The following SYTL2 variants were observed in gnomAD, a reference collection of about 807,000 sequenced individuals.
SYTL2 encodes the protein synaptotagmin like 2.
In SYTL2, 165 loss-of-function variants were observed where a neutral mutation model predicts 198.7. The ratio of observed to expected loss-of-function variants is 0.83; its 90% CI spans 0.73 to 0.94. The LOEUF (loss-of-function observed/expected upper bound fraction) is 0.94, where lower values mean the gene tolerates loss of function less well. Among genes scored for constraint, SYTL2 ranks in the 40% least tolerant of loss-of-function variants. The probability of loss-of-function intolerance (pLI) is 0.00; values close to 1 mark genes in which losing one functional copy is unlikely to be tolerated. For missense variants in SYTL2, 2,835 were observed against 2,582.8 expected, an observed-to-expected ratio of 1.10 and a Z score of -2.12; for synonymous variants, 966 against 917.7, an observed-to-expected ratio of 1.05 and a Z score of -0.95.
At chr11:85,706,553 G>A (rs1370070368) in intron 15 of SYTL2, among the ~76,000 whole-genome samples, 1 of 152,212 alleles carries the variant, frequency 6.6e-6, no homozygotes, top group Non-Finnish European at 1.5e-5. Context: ...ATGTGTGGAA[G>A]AATATTCCAG....
At chr11:85,719,331 A>T (rs1014043987) in intron 9 of SYTL2, 2 of 1,154,776 alleles carry the variant, frequency 1.7e-6, no homozygotes, top group Non-Finnish European at 1.1e-6. Context: ...GAATCTTGGC[A>T]GGCTAGTGTG....
rs980230838 is a variant in SYTL2 at position 85,724,692 on chromosome 11, C to G, written c.4666G>C (p.Ala1556Pro). ...AAAGCACTCTCAGTTATTAACGGAG[C>G]CTCGGCCTTTTCTACTGTTTCTTTT... ...ELKETVEKAE[A>P]PLITESAFDA... Residue 1556 changes from alanine (A) to proline (P), a missense_variant, in exon 8 of 20, where the codon GCT becomes CCT. Physicochemically the swap from Ala to Pro is conservative, Grantham distance 27. Coordinates refer to ENST00000359152, the MANE Select transcript of SYTL2 (RefSeq NM_206927.4). 4 of 1,614,048 alleles carry G rather than the reference C, an allele frequency of 2.5e-6. No homozygotes were observed. The highest frequency in any genetic ancestry group is 3.4e-6 in the Non-Finnish European group (4 of 1,179,970).
chr11:85,774,852 C>T (rs1238820828), intron 1 of SYTL2, among the ~76,000 whole-genome samples: 1 of 152,144 alleles, frequency 6.6e-6, no homozygotes, highest in Non-Finnish European at 1.5e-5. Context: ...AGCCTGTGCC[C>T]TGCCTAGAGC....
At chr11:85,850,548 A>G in the SYTL2 span, among the ~76,000 whole-genome samples, 1 of 151,502 alleles carries the variant, frequency 6.6e-6, no homozygotes, top group Non-Finnish European at 1.5e-5. Context: ...GAGGATGTGG[A>G]GAAATAGGAA....
At chr11:85,713,762 A>G (rs995749343) in intron 12 of SYTL2, among the ~76,000 whole-genome samples, 39 of 152,212 alleles carry the variant, frequency 2.6e-4, no homozygotes, top group African/African-American at 8.9e-4. Context: ...GTACTCAATG[A>G]ATAGTAAATT....
At chr11:85,843,083 T>A in the SYTL2 span, among the ~76,000 whole-genome samples, 1 of 151,698 alleles carries the variant, frequency 6.6e-6, no homozygotes, top group Non-Finnish European at 1.5e-5. Flanking sequence ...AATTAAAGAG[T>A]CTAAAATGGG....
chr11:85,758,066 G>A lies in SYTL2; in HGVS notation c.-341C>T, dbSNP rs190122815. The A allele has an allele frequency of 9.3e-6, 2 of 214,138 alleles. No individual in the cohort carries two copies. The highest frequency in any genetic ancestry group is 5.0e-5 in the Admixed American group (1 of 19,818). 13.3% of individuals were successfully genotyped at this position (214,138 alleles called of 1,614,324 possible). On this transcript the variant is annotated 5_prime_UTR_variant, in exon 2 of 20. Coordinates refer to ENST00000359152, the MANE Select transcript of SYTL2 (RefSeq NM_206927.4). Reference sequence around the variant, plus strand: ...CTTAGACACAGTTTATTCTCTCTCTGCACCTGTCGTCAATTCATAAGAGGC... The same window carrying A: ...CTTAGACACAGTTTATTCTCTCTCTACACCTGTCGTCAATTCATAAGAGGC...
chr11:85,730,023 C>T (rs1219231386), intron 7 of SYTL2, among the ~76,000 whole-genome samples: 1 of 152,174 alleles, frequency 6.6e-6, no homozygotes, highest in African/African-American at 2.4e-5. Flanking sequence ...GACACACACA[C>T]CCTCCCAAGA....
chr11:85,770,456 T>C (rs1198981772), intron 1 of SYTL2, among the ~76,000 whole-genome samples: 1 of 152,228 alleles, frequency 6.6e-6, no homozygotes, highest in African/African-American at 2.4e-5. Context: ...ACTCTCATCA[T>C]GCCATGCCTT....
rs1248207718 is a variant in SYTL2 at position 85,737,930 on chromosome 11, G to A, written c.390-274C>T. 3.9e-5 allele frequency among the ~76,000 whole-genome samples: 6 copies of A among 152,062 alleles called. No homozygotes were observed. In the East Asian group the frequency reaches 1.2e-3, roughly 29 times the overall value. ...ATTGAGAAGGGCAAAAGAGGGTCAC[G>A]GAGGCCCTGGGTGGGGAGAGGAACA... On this transcript the variant is annotated intron_variant, in intron 4 of 19. Transcript: ENST00000359152.
intron 1 of SYTL2, among the ~76,000 whole-genome samples, chr11:85,800,761 A>G (rs2092874901): frequency 6.6e-6 from 1 of 152,144 alleles, no homozygotes; most frequent in Non-Finnish European, 1.5e-5. Context: ...GCTCAGTTCC[A>G]CAACAGGGTC....
chr11:85,818,970 C>T, the SYTL2 span, among the ~76,000 whole-genome samples: 1 of 152,118 alleles, frequency 6.6e-6, no homozygotes, highest in Non-Finnish European at 1.5e-5. Flanking sequence ...ACCTCTCCTG[C>T]CTCGGTGTCC....
At chr11:85,823,634 T>C in the SYTL2 span, among the ~76,000 whole-genome samples, 1 of 152,342 alleles carries the variant, frequency 6.6e-6, no homozygotes, top group South Asian at 2.1e-4. Flanking sequence ...TACTACTAAG[T>C]ATCCGTTACT....
chr11:85,718,703 T>A, intron 10 of SYTL2, 87 bp downstream of exon 10: 1 of 1,222,714 alleles, frequency 8.2e-7, no homozygotes. Context: ...GTTCTTCTGT[T>A]TACCCAACAG....
intron 14 of SYTL2, chr11:85,708,278 G>A (rs140032058): frequency 1.5e-4 from 37 of 248,356 alleles, no homozygotes; most frequent in African/African-American, 7.1e-4. Context: ...TTTTGTTACC[G>A]TCTTTTGAAA....
At chr11:85,736,780 AC>A (rs2090374322) in intron 5 of SYTL2, among the ~76,000 whole-genome samples, 165 bp from the exon 6 acceptor site, 1 of 152,252 alleles carries the variant, frequency 6.6e-6, no homozygotes, top group Non-Finnish European at 1.5e-5. Flanking sequence ...GCACAGAGTT[AC>A]CATATATGCC....
the SYTL2 span, among the ~76,000 whole-genome samples, chr11:85,844,665 T>C: frequency 4.6e-5 from 7 of 152,316 alleles, no homozygotes; most frequent in South Asian, 1.4e-3. Context: ...ACTGCAATCT[T>C]GCAAAGGGCA....
chr11:85,725,670 C>G lies in SYTL2; in HGVS notation c.3688G>C (p.Ala1230Pro). Residue 1230 changes from alanine to proline, a missense_variant, in exon 8 of 20, where the codon GCC becomes CCC. This residue lies in a region of SYTL2 where 2,645 missense variants were observed against 2,381.7 expected (regional missense o/e 1.11). Transcript: ENST00000359152. Reference protein sequence around the residue: ...ATGTSPSPLQAKLAPVITGTN... With the variant: ...ATGTSPSPLQPKLAPVITGTN... ...CCAGTGATAACAGGCGCCAACTTGG[C>G]TTGCAAGGGAGAGGGTGAAGTTCCA... 6.2e-7 allele frequency: 1 copy of G among 1,614,032 alleles called. No individual in the cohort carries two copies.
In SYTL2 at chr11:85,725,618, C is replaced by A; in HGVS notation, c.3740G>T (p.Arg1247Ile). Reference sequence around the variant, plus strand: ...CTGTTCTATCCCTTTTCCAAAAAATCTCCCCTCTTCCAGCTTAGAGTTGGT... The same window carrying A: ...CTGTTCTATCCCTTTTCCAAAAAATATCCCCTCTTCCAGCTTAGAGTTGGT... ...TGTNSKLEEG[R>I]FFGKGIEQSH... The change falls in exon 8 of 20, where the codon AGA (arginine) becomes ATA (isoleucine). Residue 1247 changes from arginine to isoleucine, a missense_variant. Physicochemically the swap from Arg to Ile is moderately conservative, Grantham distance 97. Transcript: ENST00000359152. 6.2e-7 allele frequency: 1 copy of A among 1,614,118 alleles called. No individual in the cohort carries two copies. The highest frequency in any genetic ancestry group is 1.1e-5 in the South Asian group (1 of 91,088).
Sources: gnomAD v4.1 joint callset for allele counts (sites outside exome capture counted in the v4.1 genomes callset) on GRCh38, gnomAD v4.1.1 for gene constraint, gnomAD v4.1.1 regional missense constraint, MANE v1.5 for transcripts, NCBI Gene and HGNC (gene_info 2026-07-23, HGNC 2026-07-21) for gene names.